Variants in PCDHA1 observed in about 807,000 individuals in gnomAD.
PCDHA1 encodes protocadherin alpha-1.
A neutral mutation model predicts 61.3 loss-of-function variants in PCDHA1; 42 were observed. The ratio of observed to expected loss-of-function variants is 0.69; its 90% CI spans 0.54 to 0.89. The LOEUF (loss-of-function observed/expected upper bound fraction) is 0.89. Ranked by LOEUF, PCDHA1 falls within the 40% of genes least tolerant of loss-of-function variation. The pLI, the probability that PCDHA1 is intolerant of heterozygous loss-of-function variation, is 0.00. For synonymous variants in PCDHA1, 610 were observed against 553.8 expected (o/e 1.10, Z -1.43); for missense variants, 1,256 against 1,235.3 (o/e 1.02, Z -0.25).
chr5:141,004,092 C>T (rs1245515449), intron 3 of PCDHA1, among the ~76,000 whole-genome samples: 1 of 152,198 alleles, frequency 6.6e-6, no homozygotes, highest in Non-Finnish European at 1.5e-5. Context: ...TGTGCTTCTT[C>T]CGTTTTCATC....
Position 140,857,279 on chromosome 5 carries a change from G to T in PCDHA1, c.2394+68595G>T, listed in dbSNP as rs782434219. ...TTACTACTCATTGGTGCTGGACAGC[G>T]CTCTGGACCGCGAGAGGGTGTCGGC... On this transcript the variant is annotated intron_variant, in intron 1 of 3. Transcript: ENST00000504120. 22 of 1,598,726 alleles carry T rather than the reference G, an allele frequency of 1.4e-5. No homozygotes were observed. The East Asian group carries it at 4.7e-4, about 34-fold the overall frequency.
rs182448614 is a variant in PCDHA1, at chr5:140,856,533, G to T, written c.2394+67849G>T. The T allele has an allele frequency of 3.4e-4, 545 of 1,598,390 alleles. 56 individuals carry two copies. The highest frequency in any genetic ancestry group is 4.4e-4 in the Non-Finnish European group (516 of 1,167,858). On this transcript the variant is annotated intron_variant, in intron 1 of 3. Transcript: ENST00000504120. ...GAAGGCGCATCTGATGCGGATGTTG[G>T]AGAGAACGCATTGCTTACTTACAAA... is the stretch of plus-strand genomic sequence containing the variant.
chr5:140,890,294 G>A (rs1554184246), intron 1 of PCDHA1, among the ~76,000 whole-genome samples: 1 of 152,132 alleles, frequency 6.6e-6, no homozygotes, highest in Non-Finnish European at 1.5e-5. Flanking sequence ...GTCAGAACCA[G>A]GAGAGGTAAT....
At chr5:140,948,269 A>G (rs1339240276) in intron 1 of PCDHA1, among the ~76,000 whole-genome samples, 1 of 151,602 alleles carries the variant, frequency 6.6e-6, no homozygotes, top group Non-Finnish European at 1.5e-5. Flanking sequence ...GTTCATGTAG[A>G]ATATCTGTAA....
At chr5:140,969,249 ACAG>A in intron 1 of PCDHA1, 1 of 1,614,240 alleles carries the variant, frequency 6.2e-7, no homozygotes, top group Non-Finnish European at 8.5e-7. Flanking sequence ...GCAGTGACTG[ACAG>A]CAGGAATCTC....
intron 1 of PCDHA1, chr5:140,866,209 TGGA>T (rs371374348): frequency 2.8e-4 from 43 of 152,294 alleles, no homozygotes; most frequent in African/African-American, 7.9e-4. Context: ...AATATCCTTG[TGGA>T]ACACCTAAAC....
chr5:140,873,875 G>T (rs977504739), intron 1 of PCDHA1, among the ~76,000 whole-genome samples: 2 of 152,104 alleles, frequency 1.3e-5, no homozygotes, highest in African/African-American at 4.8e-5. Context: ...TGGCCAGGCT[G>T]GTCTTGAACT....
intron 1 of PCDHA1, chr5:140,828,532 G>A (rs1239720499): frequency 6.2e-7 from 1 of 1,614,280 alleles, no homozygotes; most frequent in African/African-American, 1.3e-5. Context: ...AATCTAGGCT[G>A]CCAGATTCTG....
intron 1 of PCDHA1, chr5:140,864,763 A>T (rs976670249): frequency 6.6e-6 from 1 of 152,064 alleles, no homozygotes; most frequent in East Asian, 1.9e-4. Context: ...TTTTTCTTTC[A>T]TTTTTGGTAC....
Position 140,842,918 on chromosome 5 carries a change from T to C in PCDHA1, c.2394+54234T>C. On this transcript the variant is annotated intron_variant, in intron 1 of 3. Coordinates refer to ENST00000504120, the MANE Select transcript of PCDHA1 (RefSeq NM_018900.4). Reference sequence around the variant, plus strand: ...CCACGAGGAGCTAGAGCTGCTGCAGTTCCAGGTGAGCGCGCGCGACGCGGG... The same window carrying C: ...CCACGAGGAGCTAGAGCTGCTGCAGCTCCAGGTGAGCGCGCGCGACGCGGG... The C allele has an allele frequency of 3.8e-6, 6 of 1,594,574 alleles. 1 individual carries two copies. The highest frequency in any genetic ancestry group is 5.1e-6 in the Non-Finnish European group (6 of 1,165,450).
At chr5:140,956,003 C>T (rs2153708657) in intron 1 of PCDHA1, among the ~76,000 whole-genome samples, 1 of 152,232 alleles carries the variant, frequency 6.6e-6, no homozygotes, top group East Asian at 1.9e-4. Flanking sequence ...ATTTTGTATC[C>T]TGAGACTTTG....
intron 1 of PCDHA1, among the ~76,000 whole-genome samples, chr5:140,945,509 GTAAA>G (rs1266877059): frequency 6.6e-6 from 1 of 151,782 alleles, no homozygotes; most frequent in Non-Finnish European, 1.5e-5. Context: ...ATTGAGCAAA[GTAAA>G]TAAATAAATA....
At chr5:140,863,350 A>G (rs781880705) in intron 1 of PCDHA1, 2 of 1,296,828 alleles carry the variant, frequency 1.5e-6, no homozygotes, top group Non-Finnish European at 2.1e-6. Flanking sequence ...GCTGTACACG[A>G]CGCTGCGGTG....
intron 1 of PCDHA1, among the ~76,000 whole-genome samples, chr5:140,890,014 A>G (rs1402612271): frequency 6.6e-6 from 1 of 152,148 alleles, no homozygotes; most frequent in African/African-American, 2.4e-5. Flanking sequence ...TGCCAGAAAA[A>G]TGTAGAAGGC....
At chr5:140,979,215 G>A (rs1463069868) in intron 2 of PCDHA1, among the ~76,000 whole-genome samples, 5 of 152,178 alleles carry the variant, frequency 3.3e-5, no homozygotes, top group African/African-American at 4.8e-5. Context: ...TGGCATATAA[G>A]AGTCCTCTGT....
At chr5:140,912,679 T>G (rs367681467) in intron 1 of PCDHA1, among the ~76,000 whole-genome samples, 3 of 152,334 alleles carry the variant, frequency 2.0e-5, no homozygotes, top group South Asian at 4.1e-4. Context: ...CCTTGACTTA[T>G]TCCAGGTCTC....
intron 1 of PCDHA1, among the ~76,000 whole-genome samples, chr5:140,908,581 G>A (rs2074042639): frequency 6.6e-6 from 1 of 152,178 alleles, no homozygotes; most frequent in Non-Finnish European, 1.5e-5. Context: ...AAGGAGAGTA[G>A]TTAGCTGCAG....
chr5:140,935,734 C>G (rs1290620794), intron 1 of PCDHA1, among the ~76,000 whole-genome samples: 1 of 152,032 alleles, frequency 6.6e-6, no homozygotes, highest in East Asian at 1.9e-4. Flanking sequence ...AGTCTAGTAT[C>G]TATTATTCCA....
rs782673373 is a variant in PCDHA1 at position 140,858,110 on chromosome 5, G to T, written c.2394+69426G>T. The T allele has an allele frequency of 6.9e-6, 11 of 1,597,760 alleles. No homozygotes were observed. The East Asian group carries it at 2.2e-4, about 32-fold the overall frequency. ...GCGGGCTTCAGTGGGCGTGGCGCCC[G>T]AGGTGGCCCTGGTGGATGTCAACGT... On this transcript the variant is annotated intron_variant, in intron 1 of 3. Coordinates refer to ENST00000504120, the MANE Select transcript of PCDHA1 (RefSeq NM_018900.4).
Sources: allele counts gnomAD v4.1 joint callset (sites outside exome capture counted in the v4.1 genomes callset), GRCh38; gene constraint gnomAD v4.1.1; transcripts MANE v1.5; gene names NCBI Gene and HGNC (gene_info 2026-07-23, HGNC 2026-07-21).